PTPN22: variants seen among roughly 807,000 people sequenced by gnomAD.
The protein encoded by PTPN22 is tyrosine-protein phosphatase non-receptor type 22.
Under a neutral mutation model 103.3 loss-of-function variants are expected in PTPN22, and 85 were observed. The ratio of observed to expected loss-of-function variants is 0.82; its 90% CI spans 0.69 to 0.99. PTPN22 has a LOEUF of 0.99. Ranked by LOEUF, PTPN22 falls within the 50% of genes least tolerant of loss-of-function variation. The pLI, the probability that PTPN22 is intolerant of heterozygous loss-of-function variation, is 0.00. For synonymous variants in PTPN22, 323 were observed against 310.2 expected (o/e 1.04, Z -0.43); for missense variants, 865 against 936.9 (o/e 0.92, Z 1.00).
At chr1:113,846,998 T>C (rs1465934667) in intron 11 of PTPN22, among the ~76,000 whole-genome samples, 1 of 77,708 alleles carries the variant, frequency 1.3e-5, no homozygotes, top group Non-Finnish European at 2.8e-5. Flanking sequence ...CTAGATTTTT[T>C]TTTTTTTTTT....
At chr1:113,828,391 G>GT (rs1009941986) in intron 18 of PTPN22, among the ~76,000 whole-genome samples, 1 of 151,634 alleles carries the variant, frequency 6.6e-6, no homozygotes, top group African/African-American at 2.4e-5. Flanking sequence ...TTTTGTTTTT[G>GT]TTTTTTTAAC....
chr1:113,848,431 GCT>G, intron 11 of PTPN22, 107 bp downstream of exon 11: 1 of 1,489,196 alleles, frequency 6.7e-7, no homozygotes, highest in Non-Finnish European at 9.2e-7. Context: ...CACACCTGAC[GCT>G]CTCAATTTAG....
chr1:113,828,152 C>T (rs1662249269), intron 18 of PTPN22, among the ~76,000 whole-genome samples: 1 of 151,624 alleles, frequency 6.6e-6, no homozygotes, highest in Non-Finnish European at 1.5e-5. Flanking sequence ...GTAATAACCC[C>T]TTTGGCTGTG....
chr1:113,859,000 A>G lies in PTPN22; in HGVS notation c.273+2T>C. 1 of 1,613,218 alleles carries G rather than the reference A, an allele frequency of 6.2e-7. No individual in the cohort carries two copies. Among genetic ancestry groups the G allele is most frequent in the Non-Finnish European group, 8.5e-7 (1 of 1,179,728 alleles). On this transcript the variant is annotated splice_donor_variant, in intron 3 of 20. Coordinates refer to ENST00000359785, the Ensembl canonical transcript of PTPN22. LOFTEE classifies it high-confidence loss of function. ...GAATGCTTTTATTTTCTTTCACTGT[A>G]CCTTAATGAAGTTGGCATTGATGTA...
At chr1:113,829,842 C>G in intron 17 of PTPN22, 107 bp downstream of exon 17, 1 of 1,250,798 alleles carries the variant, frequency 8.0e-7, no homozygotes, top group Non-Finnish European at 1.1e-6. Flanking sequence ...AAAATGTATT[C>G]TTTTGTGTAA....
chr1:113,831,921 G>A (rs1662580478), intron 16 of PTPN22, among the ~76,000 whole-genome samples: 1 of 152,142 alleles, frequency 6.6e-6, no homozygotes, highest in Non-Finnish European at 1.5e-5. Flanking sequence ...AAGTTGCTTA[G>A]TAAAATGCTT....
intron 4 of PTPN22, 69 bp downstream of exon 4, chr1:113,858,409 A>G: frequency 8.6e-7 from 1 of 1,162,146 alleles, no homozygotes; most frequent in Non-Finnish European, 1.2e-6. Context: ...AGTTCCACTG[A>G]CCAATTTTTT....
chr1:113,871,655 G>A (rs1034635533), exon 1 of PTPN22: 7 of 1,592,256 alleles, frequency 4.4e-6, no homozygotes, highest in Non-Finnish European at 6.0e-6. Flanking sequence ...TCTATAAGTA[G>A]GTTGAGGGAG....
At chr1:113,868,563 G>A (rs1450041540) in intron 1 of PTPN22, among the ~76,000 whole-genome samples, 1 of 152,264 alleles carries the variant, frequency 6.6e-6, no homozygotes, top group South Asian at 2.1e-4. Flanking sequence ...GGAGCTGAGA[G>A]GAAGACTCTA....
rs773064438 is a variant in PTPN22 at position 113,856,400 on chromosome 1, T to C, written c.522A>G (p.Leu174=). 7 of 1,578,528 alleles carry C rather than the reference T, an allele frequency of 4.4e-6. No homozygotes were observed. In the East Asian group the frequency reaches 1.6e-4, roughly 36 times the overall value. ...TACTTACACTATTGAACTTAACTTT[T>C]AGAGTCCTGATTATATAATCAGATT... The change falls in exon 7 of 21, where the codon CTA becomes CTG. Residue 174 remains leucine, a synonymous_variant. Transcript: ENST00000359785.
intron 10 of PTPN22, among the ~76,000 whole-genome samples, chr1:113,851,432 G>A (rs527516985): frequency 1.3e-5 from 2 of 152,164 alleles, no homozygotes; most frequent in Non-Finnish European, 2.9e-5. Flanking sequence ...GGGATTACAG[G>A]TGTCAGCCAC....
At chr1:113,870,088 C>T (rs760692519) in intron 1 of PTPN22, among the ~76,000 whole-genome samples, 12 of 152,196 alleles carry the variant, frequency 7.9e-5, no homozygotes, top group African/African-American at 1.4e-4. Context: ...TTTTGTTCAC[C>T]GCTGTATTTT....
chr1:113,865,455 T>C (rs924395236), intron 1 of PTPN22, among the ~76,000 whole-genome samples: 6 of 152,200 alleles, frequency 3.9e-5, no homozygotes. Context: ...CTTGGGGTAG[T>C]TGTAACGATT....
At chr1:113,817,578 C>G (rs1242043231) in intron 20 of PTPN22, among the ~76,000 whole-genome samples, 1 of 151,242 alleles carries the variant, frequency 6.6e-6, no homozygotes, top group East Asian at 2.0e-4. Context: ...GCTGGGACTA[C>G]AGGCACATGC....
chr1:113,836,023 A>C (rs958703431), intron 13 of PTPN22, among the ~76,000 whole-genome samples: 1 of 152,190 alleles, frequency 6.6e-6, no homozygotes, highest in Non-Finnish European at 1.5e-5. Flanking sequence ...AAGAAAATAC[A>C]TTTAAATGTT....
intron 10 of PTPN22, among the ~76,000 whole-genome samples, chr1:113,850,242 AAGG>A (rs1192488502): frequency 5.0e-4 from 75 of 149,516 alleles, no homozygotes; most frequent in African/African-American, 1.5e-3. Flanking sequence ...GGAAGGAAGG[AAGG>A]AAGGAAGGAA....
At chr1:113,814,667 T>G (rs1455515696) in exon 21 of PTPN22, 2 of 460,642 alleles carry the variant, frequency 4.3e-6, no homozygotes, top group African/African-American at 2.1e-5. Context: ...TATAGCATTC[T>G]GTACATAAGC....
At chr1:113,866,270 T>A (rs1255877118) in intron 1 of PTPN22, among the ~76,000 whole-genome samples, 1 of 152,116 alleles carries the variant, frequency 6.6e-6, no homozygotes, top group African/African-American at 2.4e-5. Context: ...CCCAGTACTT[T>A]GGGAGGCCAA....
intron 1 of PTPN22, among the ~76,000 whole-genome samples, chr1:113,863,692 A>T (rs1470871076): frequency 1.3e-5 from 2 of 152,102 alleles, no homozygotes; most frequent in Non-Finnish European, 2.9e-5. Flanking sequence ...CATTACTATA[A>T]TATACACAGA....
Sources: allele counts gnomAD v4.1 joint callset (sites outside exome capture counted in the v4.1 genomes callset), GRCh38; gene constraint gnomAD v4.1.1; transcripts MANE v1.5; gene names NCBI Gene and HGNC (gene_info 2026-07-23, HGNC 2026-07-21).